The following ROCK2 variants were observed in gnomAD, a reference collection of about 807,000 sequenced individuals.
ROCK2 encodes Rho associated coiled-coil containing protein kinase 2.
ROCK2 carries 61 observed loss-of-function variants against 195.1 expected under a neutral mutation model. The ratio of observed to expected loss-of-function variants is 0.31; its 90% confidence interval spans 0.25 to 0.39. The LOEUF (loss-of-function observed/expected upper bound fraction) is 0.39, where lower values mean the gene tolerates loss of function less well. ROCK2 is among the 10% of genes least tolerant of loss of function. ROCK2 has a pLI of 1.00. For missense variants in ROCK2, 1,109 were observed against 1,637.4 expected (o/e 0.68, Z 5.57); for synonymous variants, 504 against 545.5 (o/e 0.92, Z 1.06).
intron 1 of ROCK2, among the ~76,000 whole-genome samples, chr2:11,328,200 C>T (rs13023677): frequency 0.37 from 56,556 of 151,920 alleles, 13,001 homozygotes; most frequent in Admixed American, 0.51. Context: ...AACCCCAATG[C>T]GACTAATTAC....
intron 23 of ROCK2, among the ~76,000 whole-genome samples, chr2:11,199,486 TAAA>T (rs1313560088): frequency 6.7e-6 from 1 of 149,364 alleles, no homozygotes; most frequent in Non-Finnish European, 1.5e-5. Context: ...CACACCTGGA[TAAA>T]AAAAATTTTT....
At chr2:11,239,444 C>T (rs527950478) in intron 4 of ROCK2, among the ~76,000 whole-genome samples, 9 of 152,240 alleles carry the variant, frequency 5.9e-5, no homozygotes, top group African/African-American at 2.2e-4. Flanking sequence ...AATGGCACAA[C>T]CATTTTGGAA....
At chr2:11,284,899 A>G (rs948571990) in intron 3 of ROCK2, among the ~76,000 whole-genome samples, 3 of 152,152 alleles carry the variant, frequency 2.0e-5, no homozygotes, top group Admixed American at 6.5e-5. Flanking sequence ...CATCCTCATT[A>G]TACTTCAGGT....
At chr2:11,218,273 T>C (rs2148070770) in intron 11 of ROCK2, 182 bp downstream of exon 11, 2 of 418,208 alleles carry the variant, frequency 4.8e-6, no homozygotes, top group East Asian at 3.6e-5. Flanking sequence ...TTACATAATA[T>C]ATATTTTAAA....
chr2:11,333,497 A>C (rs927935911), intron 1 of ROCK2, among the ~76,000 whole-genome samples: 2 of 152,194 alleles, frequency 1.3e-5, no homozygotes, highest in African/African-American at 4.8e-5. Flanking sequence ...TGGTCCAGAG[A>C]ACACACAAAA....
intron 1 of ROCK2, among the ~76,000 whole-genome samples, chr2:11,307,280 C>T (rs1667887212): frequency 6.6e-6 from 1 of 152,148 alleles, no homozygotes; most frequent in African/African-American, 2.4e-5. Flanking sequence ...TCCTTTCTTG[C>T]ATAATTGTCA....
rs537779330 is a variant in ROCK2, at chr2:11,341,890, GAA to G, written c.141+2104_141+2105del. Reference sequence around the variant, plus strand: ...ATTTACAGTTTCAGTTTGGAAAAATGAAAAGATTCCAGAGACGGATAGTGGTG... The same window carrying G: ...ATTTACAGTTTCAGTTTGGAAAAATGAAGATTCCAGAGACGGATAGTGGTG... On this transcript the variant is annotated intron_variant, in intron 1 of 32. Transcript: ENST00000315872. Among the ~76,000 whole-genome samples the G allele has an allele frequency of 6.7e-3, 1,018 of 152,118 alleles. 7 individuals carry two copies. Among genetic ancestry groups the G allele is most frequent in the Non-Finnish European group, 9.7e-3 (661 of 67,994 alleles).
chr2:11,250,576 T>TA (rs1401403198), intron 3 of ROCK2, among the ~76,000 whole-genome samples: 1 of 152,230 alleles, frequency 6.6e-6, no homozygotes, highest in Non-Finnish European at 1.5e-5. Context: ...CTGAAACTCC[T>TA]AATCTTCACC....
intron 9 of ROCK2, 73 bp downstream of exon 9, chr2:11,221,119 AATTGAG>A: frequency 9.5e-7 from 1 of 1,057,112 alleles, no homozygotes; most frequent in East Asian, 2.8e-5. Context: ...TATCTCCTAT[AATTGAG>A]TCTCAAAATA....
intron 3 of ROCK2, among the ~76,000 whole-genome samples, chr2:11,277,560 T>C (rs1173467086): frequency 6.6e-6 from 1 of 152,340 alleles, no homozygotes; most frequent in East Asian, 1.9e-4. Context: ...GGCTCCCACA[T>C]ATCAGTGAGA....
At chr2:11,278,966 A>G (rs1438272049) in intron 3 of ROCK2, among the ~76,000 whole-genome samples, 1 of 152,084 alleles carries the variant, frequency 6.6e-6, no homozygotes, top group African/African-American at 2.4e-5. Flanking sequence ...TTAAAACTCT[A>G]GGGCAAACAC....
intron 17 of ROCK2, among the ~76,000 whole-genome samples, chr2:11,213,290 A>G (rs1664308980): frequency 6.6e-6 from 1 of 152,124 alleles, no homozygotes; most frequent in Non-Finnish European, 1.5e-5. Context: ...AGATCATCCA[A>G]TTTAAAGCCC....
At chr2:11,187,617 A>G (rs1663245046) in intron 32 of ROCK2, among the ~76,000 whole-genome samples, 1 of 152,158 alleles carries the variant, frequency 6.6e-6, no homozygotes, top group Non-Finnish European at 1.5e-5. Flanking sequence ...CTTTTTTCTC[A>G]ATGATTTATA....
intron 3 of ROCK2, among the ~76,000 whole-genome samples, chr2:11,262,659 T>C (rs960346706): frequency 8.5e-5 from 13 of 152,306 alleles, no homozygotes; most frequent in South Asian, 2.1e-4. Flanking sequence ...TGCTGCTCCT[T>C]GCCTTCTGCC....
chr2:11,310,740 G>A (rs962599283), intron 1 of ROCK2, among the ~76,000 whole-genome samples: 1 of 151,548 alleles, frequency 6.6e-6, no homozygotes, highest in Non-Finnish European at 1.5e-5. Flanking sequence ...AAGAATCATA[G>A]GTTGTATATA....
At chr2:11,308,306 C>G in intron 1 of ROCK2, 1 of 1,113,594 alleles carries the variant, frequency 9.0e-7, no homozygotes, top group Non-Finnish European at 1.4e-6. Context: ...GAAGCTAGAA[C>G]CAATCCTAAA....
chr2:11,282,928 C>T (rs938306511), intron 3 of ROCK2, among the ~76,000 whole-genome samples: 9 of 152,056 alleles, frequency 5.9e-5, no homozygotes, highest in Non-Finnish European at 1.2e-4. Flanking sequence ...AAATAAACAA[C>T]CCAATCAAAA....
In ROCK2 at chr2:11,192,334, T is replaced by C; in HGVS notation, c.3977A>G (p.Asn1326Ser). The C allele has an allele frequency of 6.2e-7, 1 of 1,613,188 alleles. No individual in the cohort carries two copies. The highest frequency in any genetic ancestry group is 8.5e-7 in the Non-Finnish European group (1 of 1,179,534). The change falls in exon 32 of 33, where the codon AAT (asparagine) becomes AGT (serine). Residue 1326 changes from asparagine (N) to serine (S), a missense_variant. Asn to Ser is a conservative substitution (Grantham distance 46). Around this residue, in one of 6 missense-constraint regions of ROCK2, gnomAD observed 221 missense variants for 355.1 expected, o/e 0.62. Coordinates refer to ENST00000315872, the MANE Select transcript of ROCK2 (RefSeq NM_004850.5). The surrounding 1 kb of genome is among the most constrained non-coding windows in gnomAD (Gnocchi z 5.0). ...TGTAGAATTTGCTAGTAATAACAGATTCTTTGCCGTTGAAATATCATAATA... is the reference window on the plus strand; with the variant it reads ...TGTAGAATTTGCTAGTAATAACAGACTCTTTGCCGTTGAAATATCATAATA... ...KVYYDISTAK[N>S]LLLLANSTEE... is the part of the protein sequence containing the mutation.
At chr2:11,297,701 A>G (rs1667579384) in intron 1 of ROCK2, among the ~76,000 whole-genome samples, 1 of 152,176 alleles carries the variant, frequency 6.6e-6, no homozygotes. Context: ...TATTCTAAAT[A>G]CATGTTGTTA....
Sources: gnomAD v4.1 joint callset for allele counts (sites outside exome capture counted in the v4.1 genomes callset) on GRCh38, gnomAD v4.1.1 for gene constraint, gnomAD v4.1.1 regional missense constraint, Gnocchi (gnomAD v3.1) non-coding constraint, MANE v1.5 for transcripts, NCBI Gene and HGNC (gene_info 2026-07-23, HGNC 2026-07-21) for gene names.